Variants in LRP5 observed in about 807,000 individuals in gnomAD.
The protein encoded by LRP5 is LDL receptor related protein 5.
LRP5 carries 62 observed loss-of-function variants against 154.1 expected under a neutral mutation model. That is an observed-to-expected ratio of 0.40 (90% CI 0.33 to 0.50). The LOEUF (loss-of-function observed/expected upper bound fraction) is 0.50, where lower values mean the gene tolerates loss of function less well. LRP5 is among the 20% of genes least tolerant of loss of function. The pLI is 0.55. For missense variants in LRP5, 1,915 were observed against 2,336.7 expected, an observed-to-expected ratio of 0.82 and a Z score of 3.72; for synonymous variants, 966 against 1,011.5, an observed-to-expected ratio of 0.96 and a Z score of 0.85.
the LRP5 span, among the ~76,000 whole-genome samples, chr11:68,300,219 C>T: frequency 2.0e-5 from 3 of 149,018 alleles, no homozygotes; most frequent in African/African-American, 7.3e-5. Context: ...AAGGGAGAAT[C>T]CCGTGGCGTT....
At chr11:68,346,978 T>C (rs1051710309) in intron 1 of LRP5, among the ~76,000 whole-genome samples, 3 of 152,134 alleles carry the variant, frequency 2.0e-5, no homozygotes, top group Admixed American at 2.0e-4. Context: ...CCGTTGTCTG[T>C]GAGATGAGGC....
chr11:68,426,013 G>T lies in LRP5; in HGVS notation c.3463G>T (p.Val1155Leu), dbSNP rs1373447487. Residue 1155 changes from valine (V) to leucine (L), a missense_variant, in exon 16 of 23, where the codon GTG (valine) becomes TTG (leucine). Transcript: ENST00000294304. The stretch of plus-strand genomic sequence containing the variant: ...CCTGACCCTGGAGGACGCCAACATC[G>T]TGCAGCCTCTGGGCCTGACCATCCT... ...NRLTLEDANI[V>L]QPLGLTILGK... is the part of the protein sequence containing the mutation. 6.2e-7 allele frequency: 1 copy of T among 1,612,954 alleles called. No homozygotes were observed.
intron 13 of LRP5, among the ~76,000 whole-genome samples, chr11:68,420,955 G>C (rs557702272): frequency 6.6e-6 from 1 of 152,144 alleles, no homozygotes. Flanking sequence ...GGCCGGGCGC[G>C]GTGGCTCACG....
chr11:68,329,421 G>A (rs1226897571), intron 1 of LRP5, among the ~76,000 whole-genome samples: 1 of 152,194 alleles, frequency 6.6e-6, no homozygotes, highest in Non-Finnish European at 1.5e-5. Context: ...ATTTGGTATA[G>A]GCAAAACTAG....
At chr11:68,448,044 A>G (rs1214323824) in intron 22 of LRP5, among the ~76,000 whole-genome samples, 1 of 152,208 alleles carries the variant, frequency 6.6e-6, no homozygotes, top group African/African-American at 2.4e-5. Context: ...TCACAGTTCC[A>G]CCTGCCTGGG....
intron 2 of LRP5, among the ~76,000 whole-genome samples, chr11:68,356,172 C>T (rs2098623072): frequency 6.8e-6 from 1 of 146,210 alleles, no homozygotes; most frequent in South Asian, 2.2e-4. Context: ...GGCAGGGTCT[C>T]ACTCTGTCAT....
At chr11:68,316,871 A>G (rs1261934371) in intron 1 of LRP5, among the ~76,000 whole-genome samples, 3 of 152,214 alleles carry the variant, frequency 2.0e-5, no homozygotes, top group Non-Finnish European at 4.4e-5. Flanking sequence ...AGTGAGGGCC[A>G]AGTTCAGGTT....
intron 13 of LRP5, among the ~76,000 whole-genome samples, chr11:68,421,940 T>G (rs539962232): frequency 7.2e-4 from 109 of 152,116 alleles, no homozygotes; most frequent in African/African-American, 2.5e-3. Flanking sequence ...TTATTTGTAT[T>G]TTTTTGAGAC....
intron 1 of LRP5, among the ~76,000 whole-genome samples, chr11:68,330,456 T>C (rs773267229): frequency 3.3e-5 from 5 of 152,216 alleles, no homozygotes; most frequent in African/African-American, 4.8e-5. Flanking sequence ...TTCTGGTAAC[T>C]GGCTCCGGTG....
At chr11:68,431,028 T>TG (rs1044740712) in intron 17 of LRP5, among the ~76,000 whole-genome samples, 2 of 152,178 alleles carry the variant, frequency 1.3e-5, no homozygotes, top group African/African-American at 4.8e-5. Context: ...TGCTATGCCA[T>TG]GGGTGTGGCA....
At chr11:68,329,082 A>G (rs1176667306) in intron 1 of LRP5, among the ~76,000 whole-genome samples, 1 of 152,118 alleles carries the variant, frequency 6.6e-6, no homozygotes, top group Non-Finnish European at 1.5e-5. Context: ...CAGCCAAGAG[A>G]CCTGTATAAA....
chr11:68,446,831 C>A, intron 22 of LRP5: 1 of 418,914 alleles, frequency 2.4e-6, no homozygotes, highest in Non-Finnish European at 4.5e-6. Context: ...GTCGAGGGGC[C>A]GGGGGCTTGG....
At chr11:68,376,331 G>A (rs573216148) in intron 5 of LRP5, among the ~76,000 whole-genome samples, 7 of 152,148 alleles carry the variant, frequency 4.6e-5, no homozygotes, top group Admixed American at 6.5e-5. Flanking sequence ...ATAGGCACCC[G>A]CCACCACACT....
intron 5 of LRP5, among the ~76,000 whole-genome samples, chr11:68,385,812 T>C (rs1236983389): frequency 1.5e-4 from 23 of 151,496 alleles, no homozygotes; most frequent in Admixed American, 9.9e-4. Context: ...CCTCGGGTGG[T>C]GGAGAGGAGG....
In LRP5 at chr11:68,433,625, C is replaced by A. The variant is rs1185365612; in HGVS notation, c.3787C>A (p.Gln1263Lys). 1 of 1,613,538 alleles carries A rather than the reference C, an allele frequency of 6.2e-7. No individual in the cohort carries two copies. Among genetic ancestry groups the A allele is most frequent in the South Asian group, 1.1e-5 (1 of 91,088 alleles). Residue 1263 changes from glutamine to lysine, a missense_variant, in exon 18 of 23, where the codon CAG becomes AAG. Gln to Lys is a moderately conservative substitution (Grantham distance 53). Transcript: ENST00000294304. ...CGEPPTCSPDQFACATGEIDC... is the reference protein window; with the variant it reads ...CGEPPTCSPDKFACATGEIDC... ...AGAGCCGCCCACCTGCTCCCCGGAC[C>A]AGTTTGCATGTGCCACAGGGGAGAT...
chr11:68,430,335 A>G (rs1302703218), intron 17 of LRP5, among the ~76,000 whole-genome samples: 2 of 152,010 alleles, frequency 1.3e-5, no homozygotes, highest in African/African-American at 2.4e-5. Context: ...CACCATACCC[A>G]GCTAATTTTT....
rs758348649 is a variant in LRP5 at position 68,449,078 on chromosome 11, C to A, written c.*8C>A. 31 of 1,531,652 alleles carry A rather than the reference C, an allele frequency of 2.0e-5. No homozygotes were observed. The highest frequency in any genetic ancestry group is 2.7e-5 in the Non-Finnish European group (31 of 1,141,248). The allele number at this position is 1,531,652 out of a possible 1,614,324, so 94.9% of individuals were successfully genotyped here. On this transcript the variant is annotated 3_prime_UTR_variant, in exon 23 of 23. Coordinates refer to ENST00000294304, the MANE Select transcript of LRP5 (RefSeq NM_002335.4). ...TGCACGGACTCATCCTGACCTCGGC[C>A]GGGCCACTCTGGCTTCTCTGTGCCC... is the stretch of plus-strand genomic sequence containing the variant.
intron 3 of LRP5, among the ~76,000 whole-genome samples, chr11:68,359,880 A>G (rs1165389545): frequency 2.7e-5 from 4 of 149,788 alleles, no homozygotes; most frequent in Non-Finnish European, 5.9e-5. Flanking sequence ...TCCACCTCCC[A>G]GGTTCTAGCG....
At chr11:68,390,210 C>T (rs971254267) in intron 7 of LRP5, among the ~76,000 whole-genome samples, 158 bp downstream of exon 7, 2 of 152,196 alleles carry the variant, frequency 1.3e-5, no homozygotes, top group Non-Finnish European at 1.5e-5. Flanking sequence ...CTGACAAAAA[C>T]GCCTTGAGAG....
Sources: allele counts gnomAD v4.1 joint callset (sites outside exome capture counted in the v4.1 genomes callset), GRCh38; gene constraint gnomAD v4.1.1; transcripts MANE v1.5; gene names NCBI Gene and HGNC (gene_info 2026-07-23, HGNC 2026-07-21).